The following GRIP1 variants were observed in gnomAD, a reference collection of about 807,000 sequenced individuals.
The protein encoded by GRIP1 is glutamate receptor-interacting protein 1.
In GRIP1, 45 loss-of-function variants were observed where a neutral mutation model predicts 129.9. The ratio of observed to expected loss-of-function variants is 0.35; its 90% CI spans 0.27 to 0.44. The LOEUF is 0.44. Among genes scored for constraint, GRIP1 ranks in the 20% least tolerant of loss-of-function variants. The pLI, the probability that GRIP1 is intolerant of heterozygous loss-of-function variation, is 1.00. For missense variants in GRIP1, 1,196 were observed against 1,396.8 expected (o/e 0.86, Z 2.29); for synonymous variants, 530 against 520.8 (o/e 1.02, Z -0.24).
chr12:66,811,758 G>T (rs1392279285), intron 1 of GRIP1, among the ~76,000 whole-genome samples: 1 of 151,928 alleles, frequency 6.6e-6, no homozygotes, highest in Non-Finnish European at 1.5e-5. Flanking sequence ...TTTGTCTCTT[G>T]GTTGGTTGGT....
intron 1 of GRIP1, among the ~76,000 whole-genome samples, chr12:66,626,369 A>C (rs1214457079): frequency 6.6e-6 from 1 of 151,070 alleles, no homozygotes; most frequent in African/African-American, 2.4e-5. Flanking sequence ...TTACTTTTAA[A>C]ACCAAATGCT....
At chr12:66,857,359 C>A (rs1340171897) in intron 1 of GRIP1, among the ~76,000 whole-genome samples, 2 of 151,654 alleles carry the variant, frequency 1.3e-5, no homozygotes, top group Non-Finnish European at 2.9e-5. Context: ...AAAAGTGAAA[C>A]CAAAGCTTGG....
At chr12:66,707,502 C>CAAA (rs1565979272) in intron 1 of GRIP1, among the ~76,000 whole-genome samples, 7 of 85,998 alleles carry the variant, frequency 8.1e-5, no homozygotes, top group Admixed American at 1.4e-4. Context: ...CAATCACTGA[C>CAAA]TAAAAAAAAA....
intron 1 of GRIP1, among the ~76,000 whole-genome samples, chr12:66,737,125 C>T (rs940374789): frequency 6.6e-6 from 1 of 152,056 alleles, no homozygotes; most frequent in African/African-American, 2.4e-5. Context: ...GTTTCCTTCC[C>T]TTGGATACAG....
At chr12:66,695,139 T>C (rs1363170213) in intron 1 of GRIP1, among the ~76,000 whole-genome samples, 1 of 152,078 alleles carries the variant, frequency 6.6e-6, no homozygotes, top group Admixed American at 6.5e-5. Context: ...TCAACAGGAG[T>C]TCCTAGAACA....
At chr12:66,662,814 A>T (rs1450143158) in intron 1 of GRIP1, among the ~76,000 whole-genome samples, 1 of 152,138 alleles carries the variant, frequency 6.6e-6, no homozygotes, top group Non-Finnish European at 1.5e-5. Flanking sequence ...TCCACTGTCG[A>T]TTACTGCTCT....
At chr12:66,578,314 T>A (rs1165368585) in intron 2 of GRIP1, among the ~76,000 whole-genome samples, 1 of 144,630 alleles carries the variant, frequency 6.9e-6, no homozygotes, top group Non-Finnish European at 1.5e-5. Context: ...GGTCTACAGC[T>A]CCCAGTGTGA....
intron 2 of GRIP1, among the ~76,000 whole-genome samples, chr12:66,584,105 G>A (rs2063515227): frequency 1.3e-5 from 2 of 150,054 alleles, no homozygotes; most frequent in Non-Finnish European, 3.0e-5. Flanking sequence ...CATGTCCTTT[G>A]TAGGGACATG....
chr12:66,764,272 G>T (rs1190376900), intron 1 of GRIP1, among the ~76,000 whole-genome samples: 1 of 152,110 alleles, frequency 6.6e-6, no homozygotes, highest in Non-Finnish European at 1.5e-5. Context: ...AAGATAGAGG[G>T]AACTAGAATT....
intron 1 of GRIP1, among the ~76,000 whole-genome samples, chr12:66,957,451 T>C (rs1311845055): frequency 6.6e-6 from 1 of 151,736 alleles, no homozygotes; most frequent in East Asian, 1.9e-4. Context: ...TTTTTTCTGT[T>C]CCAGCGTCTC....
chr12:66,872,353 G>A lies in GRIP1; in HGVS notation c.58+196697C>T, dbSNP rs997169937. Among the ~76,000 whole-genome samples the A allele has an allele frequency of 3.9e-5, 6 of 152,026 alleles. No homozygotes were observed. In the South Asian group the frequency reaches 1.2e-3, roughly 31 times the overall value. On this transcript the variant is annotated intron_variant, in intron 1 of 1. Transcript: ENST00000643019. ...CACAGGTTGCAGTTTTTTCTCATCA[G>A]ACCAGTTCTAATGCATGGTTCTAGG...
intron 1 of GRIP1, among the ~76,000 whole-genome samples, chr12:66,633,402 C>T (rs1225233156): frequency 3.3e-5 from 5 of 151,480 alleles, no homozygotes; most frequent in African/African-American, 9.7e-5. Context: ...CCTCCCACCT[C>T]GGCCTCCCAA....
intron 1 of GRIP1, among the ~76,000 whole-genome samples, chr12:66,837,254 A>G (rs1367812549): frequency 6.6e-6 from 1 of 152,238 alleles, no homozygotes; most frequent in East Asian, 1.9e-4. Flanking sequence ...CTAATCTTTG[A>G]TGCCCTCACA....
chr12:66,997,253 C>T (rs915520001), intron 1 of GRIP1, among the ~76,000 whole-genome samples: 4 of 151,894 alleles, frequency 2.6e-5, no homozygotes, highest in African/African-American at 7.3e-5. Context: ...GCTGCTCCCA[C>T]CAAGATTCAA....
chr12:67,026,159 GCTCT>G lies in GRIP1; in HGVS notation c.58+42887_58+42890del, dbSNP rs1371927021. On this transcript the variant is annotated intron_variant, in intron 1 of 1. Transcript: ENST00000643019. ...AGATTATTTATTGAAAACCTTAGATGCTCTCTGTCAACTATGCTCTTTGTTTAAA... is the reference window on the plus strand; with the variant it reads ...AGATTATTTATTGAAAACCTTAGATGCTGTCAACTATGCTCTTTGTTTAAA... 3.1e-4 allele frequency among the ~76,000 whole-genome samples: 47 copies of G among 152,078 alleles called. 1 individual carries two copies. Among genetic ancestry groups the G allele is most frequent in the Admixed American group, 3.1e-3 (47 of 15,276 alleles).
At position 66,855,205 on chromosome 12, in the gene GRIP1, A is replaced by G. The variant is rs374741369; in HGVS notation, c.58+213845T>C. On this transcript the variant is annotated intron_variant, in intron 1 of 1. Transcript: ENST00000643019. ...TTGTACACATGAGGCACATTATATA[A>G]CCAATCAAATGCTATTAAGTCACTT... Among the ~76,000 whole-genome samples, 19 of 152,116 alleles carry G rather than the reference A, an allele frequency of 1.2e-4. 1 individual carries two copies. Among genetic ancestry groups the G allele is most frequent in the African/African-American group, 4.3e-4 (18 of 41,542 alleles).
At chr12:67,047,203 A>T (rs2043267013) in intron 1 of GRIP1, among the ~76,000 whole-genome samples, 2 of 152,170 alleles carry the variant, frequency 1.3e-5, no homozygotes, top group Non-Finnish European at 2.9e-5. Context: ...GGTTGCTTGG[A>T]TATAAGTTCC....
At chr12:66,883,733 T>C (rs1015726152) in intron 1 of GRIP1, among the ~76,000 whole-genome samples, 1 of 152,200 alleles carries the variant, frequency 6.6e-6, no homozygotes, top group East Asian at 1.9e-4. Context: ...CAGTGTCCCA[T>C]TTCACAAAGA....
At chr12:66,650,788 A>G (rs1476994636) in intron 1 of GRIP1, among the ~76,000 whole-genome samples, 4 of 152,184 alleles carry the variant, frequency 2.6e-5, no homozygotes, top group African/African-American at 7.2e-5. Flanking sequence ...CCTCTTGTTT[A>G]TTCAACAAAT....
Sources: allele counts gnomAD v4.1 joint callset (sites outside exome capture counted in the v4.1 genomes callset), GRCh38; gene constraint gnomAD v4.1.1; transcripts MANE v1.5; gene names NCBI Gene and HGNC (gene_info 2026-07-23, HGNC 2026-07-21).